PTPRT: variants seen among roughly 807,000 people sequenced by gnomAD.
PTPRT encodes receptor-type tyrosine-protein phosphatase T.
A neutral mutation model predicts 176.8 loss-of-function variants in PTPRT; 56 were observed. That is an observed-to-expected ratio of 0.32 (90% CI 0.26 to 0.40). The LOEUF (loss-of-function observed/expected upper bound fraction) is 0.40, where lower values mean the gene tolerates loss of function less well. PTPRT is among the 10% of genes least tolerant of loss of function. PTPRT has a pLI of 1.00. For missense variants in PTPRT, 1,540 were observed against 1,908.2 expected (o/e 0.81, Z 3.60); for synonymous variants, 783 against 739.0 (o/e 1.06, Z -0.96).
chr20:42,404,987 T>TATATATATATATATATATATATATACAC (rs1555843282), intron 9 of PTPRT, among the ~76,000 whole-genome samples: 5 of 135,880 alleles, frequency 3.7e-5, no homozygotes, highest in African/African-American at 1.4e-4. Context: ...TATATATATA[T>TATATATATATATATATATATATATACAC]ACACACACAC....
chr20:42,440,639 A>G (rs934342586), intron 9 of PTPRT, among the ~76,000 whole-genome samples: 1 of 151,796 alleles, frequency 6.6e-6, no homozygotes, highest in Non-Finnish European at 1.5e-5. Context: ...CACCACACCC[A>G]GCTAATTTTT....
chr20:42,773,578 C>T (rs1200358288), intron 4 of PTPRT, among the ~76,000 whole-genome samples: 2 of 152,192 alleles, frequency 1.3e-5, no homozygotes, highest in Non-Finnish European at 2.9e-5. Context: ...GGAAAACCAC[C>T]TCTATGGGCT....
At chr20:43,173,631 T>A (rs781767370) in intron 1 of PTPRT, among the ~76,000 whole-genome samples, 2 of 152,214 alleles carry the variant, frequency 1.3e-5, no homozygotes, top group African/African-American at 4.8e-5. Context: ...AGGTCCAAAG[T>A]CCACAGTGTG....
rs192921865 is a variant in PTPRT at position 42,794,217 on chromosome 20, G to A, written c.215-2751C>T. Among the ~76,000 whole-genome samples, 347 of 152,268 alleles carry A rather than the reference G, an allele frequency of 2.3e-3. 3 individuals carry two copies. The highest frequency in any genetic ancestry group is 7.8e-3 in the African/African-American group (323 of 41,538). ...GTCTTCCAGCCTCCCTTTAGCATTT[G>A]GTAGGGACATGCAACTGAGTTCTAG... On this transcript the variant is annotated intron_variant, in intron 2 of 30. Coordinates refer to ENST00000373187, the MANE Select transcript of PTPRT (RefSeq NM_007050.6).
intron 2 of PTPRT, 112 bp downstream of exon 2, chr20:42,885,695 G>T (rs2079090329): frequency 7.3e-7 from 1 of 1,375,986 alleles, no homozygotes; most frequent in Non-Finnish European, 9.9e-7. Context: ...TACCTACAGA[G>T]CTATCGATTG....
At chr20:42,927,116 G>T (rs972818708) in intron 1 of PTPRT, among the ~76,000 whole-genome samples, 26 of 152,328 alleles carry the variant, frequency 1.7e-4, no homozygotes, top group African/African-American at 6.0e-4. Flanking sequence ...GGTGCAGGAA[G>T]GAATAAACAA....
At chr20:42,627,117 G>A (rs1388581687) in intron 7 of PTPRT, among the ~76,000 whole-genome samples, 1 of 152,164 alleles carries the variant, frequency 6.6e-6, no homozygotes, top group African/African-American at 2.4e-5. Flanking sequence ...GATTCTAAAA[G>A]TGTGAGTTTC....
intron 1 of PTPRT, among the ~76,000 whole-genome samples, chr20:43,040,595 C>CT (rs1812177920): frequency 6.6e-6 from 1 of 152,214 alleles, no homozygotes; most frequent in Non-Finnish European, 1.5e-5. Context: ...AATGACAGAG[C>CT]TCCCTCGCTG....
chr20:43,177,429 C>CA (rs2015147748), intron 1 of PTPRT, among the ~76,000 whole-genome samples: 1 of 152,020 alleles, frequency 6.6e-6, no homozygotes, highest in Non-Finnish European at 1.5e-5. Context: ...AAGTTTGAGC[C>CA]AAAAATCTAT....
At chr20:42,467,468 G>T (rs1325942268) in intron 8 of PTPRT, among the ~76,000 whole-genome samples, 2 of 152,088 alleles carry the variant, frequency 1.3e-5, no homozygotes, top group African/African-American at 4.8e-5. Flanking sequence ...CGGAACCCTG[G>T]TTCTGTCACA....
At chr20:42,632,595 A>G (rs1453172696) in intron 7 of PTPRT, among the ~76,000 whole-genome samples, 1 of 151,230 alleles carries the variant, frequency 6.6e-6, no homozygotes, top group African/African-American at 2.4e-5. Context: ...ATCTATATTT[A>G]CTATGTTTAC....
chr20:42,162,942 T>C (rs894677835), intron 16 of PTPRT, among the ~76,000 whole-genome samples: 2 of 152,222 alleles, frequency 1.3e-5, no homozygotes, highest in African/African-American at 4.8e-5. Context: ...CTTCCTGCTT[T>C]CTAGGTGACC....
chr20:42,525,717 G>C (rs1457931377), intron 7 of PTPRT, among the ~76,000 whole-genome samples: 6 of 152,090 alleles, frequency 3.9e-5, no homozygotes, highest in Non-Finnish European at 8.8e-5. Context: ...ACCTCTTCGA[G>C]TCTCTATAAT....
intron 8 of PTPRT, among the ~76,000 whole-genome samples, chr20:42,470,182 C>T (rs2071168843): frequency 6.6e-6 from 1 of 152,144 alleles, no homozygotes; most frequent in South Asian, 2.1e-4. Context: ...CCTCTTTATA[C>T]AATTTTTGTG....
At chr20:42,108,542 T>G (rs1228911969) in intron 23 of PTPRT, among the ~76,000 whole-genome samples, 1 of 152,268 alleles carries the variant, frequency 6.6e-6, no homozygotes, top group African/African-American at 2.4e-5. Context: ...AATTGCTTTG[T>G]GCCTGGATAC....
At chr20:42,716,614 T>C (rs1162275345) in intron 6 of PTPRT, among the ~76,000 whole-genome samples, 1 of 152,228 alleles carries the variant, frequency 6.6e-6, no homozygotes, top group Non-Finnish European at 1.5e-5. Flanking sequence ...TTTTTTCTTG[T>C]AAATTTGTTT....
At chr20:42,863,227 A>G (rs1224484764) in intron 2 of PTPRT, among the ~76,000 whole-genome samples, 1 of 152,216 alleles carries the variant, frequency 6.6e-6, no homozygotes, top group Non-Finnish European at 1.5e-5. Flanking sequence ...ATATTGGTAG[A>G]AAAGAAGAGG....
At chr20:42,847,475 G>T (rs955591582) in intron 2 of PTPRT, among the ~76,000 whole-genome samples, 10 of 152,198 alleles carry the variant, frequency 6.6e-5, no homozygotes, top group Non-Finnish European at 1.2e-4. Context: ...GGTGGGTAAA[G>T]ATGGATTGAA....
chr20:42,926,273 CT>C (rs1490102946), intron 1 of PTPRT, among the ~76,000 whole-genome samples: 2 of 152,244 alleles, frequency 1.3e-5, no homozygotes, highest in African/African-American at 4.8e-5. Flanking sequence ...CCACCCCTCT[CT>C]CCTGTTCTCC....
Sources: gnomAD v4.1 joint callset for allele counts (sites outside exome capture counted in the v4.1 genomes callset) on GRCh38, gnomAD v4.1.1 for gene constraint, MANE v1.5 for transcripts, NCBI Gene and HGNC (gene_info 2026-07-23, HGNC 2026-07-21) for gene names.